CWC27: variants seen among roughly 807,000 people sequenced by gnomAD.
The protein encoded by CWC27 is CWC27 spliceosome associated cyclophilin.
A neutral mutation model predicts 63.6 loss-of-function variants in CWC27; 47 were observed. The ratio of observed to expected loss-of-function variants is 0.74; its 90% confidence interval spans 0.58 to 0.94. The LOEUF (loss-of-function observed/expected upper bound fraction) is 0.94. Ranked by LOEUF, CWC27 falls within the 40% of genes least tolerant of loss-of-function variation. The pLI, the probability that CWC27 is intolerant of heterozygous loss-of-function variation, is 0.00. For missense variants in CWC27, 495 were observed against 554.3 expected, an observed-to-expected ratio of 0.89 and a Z score of 1.07; for synonymous variants, 175 against 179.8, an observed-to-expected ratio of 0.97 and a Z score of 0.22.
chr5:64,902,426 C>A (rs557830218), intron 11 of CWC27, among the ~76,000 whole-genome samples: 1 of 152,294 alleles, frequency 6.6e-6, no homozygotes, highest in South Asian at 2.1e-4. Flanking sequence ...GATCGAAGTA[C>A]ACATATTTCC....
At chr5:64,985,371 A>G (rs777533069) in intron 13 of CWC27, among the ~76,000 whole-genome samples, 9 of 152,296 alleles carry the variant, frequency 5.9e-5, no homozygotes, top group South Asian at 2.1e-4. Flanking sequence ...GAGAATTGAC[A>G]TCTTTACTAT....
intron 7 of CWC27, among the ~76,000 whole-genome samples, chr5:64,796,095 G>A (rs532583493): frequency 2.6e-5 from 4 of 151,432 alleles, no homozygotes; most frequent in Non-Finnish European, 4.4e-5. Flanking sequence ...CAGCAGTGAT[G>A]TCAAGGAGAT....
rs1443869672 is a variant in CWC27 at position 64,781,970 on chromosome 5, C to T, written c.189C>T (p.Val63=). Residue 63 remains valine (V), a synonymous_variant, in exon 3 of 14, where the codon GTC becomes GTT. Transcript: ENST00000381070. ...ATAGAGTTGTGCCTGGTTTCATAGT[C>T]CAAGGCGGAGATCCTACTGGCACAG... The part of the protein sequence containing the change: ...IFHRVVPGFI[V]QGGDPTGTGS... 1 of 1,603,908 alleles carries T rather than the reference C, an allele frequency of 6.2e-7. No individual in the cohort carries two copies. Among genetic ancestry groups the T allele is most frequent in the African/African-American group, 1.3e-5 (1 of 74,720 alleles).
chr5:65,001,084 C>T (rs1749724117), intron 13 of CWC27, among the ~76,000 whole-genome samples: 1 of 151,582 alleles, frequency 6.6e-6, no homozygotes, highest in African/African-American at 2.4e-5. Flanking sequence ...TGTGTCGCTA[C>T]TGTGAATGAG....
intron 2 of CWC27, among the ~76,000 whole-genome samples, chr5:64,775,130 C>T (rs561748757): frequency 6.6e-6 from 1 of 152,304 alleles, no homozygotes; most frequent in East Asian, 1.9e-4. Context: ...CTAGTTGTTA[C>T]TTCAGTCCAA....
intron 10 of CWC27, among the ~76,000 whole-genome samples, chr5:64,832,165 A>G (rs1206923927): frequency 6.6e-6 from 1 of 151,866 alleles, no homozygotes; most frequent in Non-Finnish European, 1.5e-5. Flanking sequence ...TCTTTTACCC[A>G]TGTGTGATTT....
intron 11 of CWC27, among the ~76,000 whole-genome samples, chr5:64,907,326 ATCC>A (rs761096829): frequency 6.6e-6 from 1 of 152,168 alleles, no homozygotes; most frequent in African/African-American, 2.4e-5. Context: ...ATTTGTTTGT[ATCC>A]TCTTTTATTT....
intron 10 of CWC27, among the ~76,000 whole-genome samples, chr5:64,881,223 T>C (rs1487913654): frequency 6.6e-6 from 1 of 152,080 alleles, no homozygotes; most frequent in East Asian, 1.9e-4. Context: ...TTTAGCATAA[T>C]GAAGCAATTT....
intron 10 of CWC27, among the ~76,000 whole-genome samples, chr5:64,810,719 A>G (rs990641071): frequency 1.3e-5 from 2 of 152,084 alleles, no homozygotes; most frequent in Non-Finnish European, 2.9e-5. Flanking sequence ...AGCTCTGTAG[A>G]TATTCTAATA....
intron 13 of CWC27, among the ~76,000 whole-genome samples, chr5:64,986,698 T>G (rs1213712964): frequency 2.0e-5 from 3 of 150,810 alleles, no homozygotes; most frequent in Admixed American, 2.0e-4. Context: ...CCCCCCGGAC[T>G]GGGCCCCCAG....
intron 6 of CWC27, 51 bp from the exon 7 acceptor site, chr5:64,788,898 GTT>G: frequency 1.6e-6 from 2 of 1,252,826 alleles, no homozygotes; most frequent in Non-Finnish European, 2.3e-6. Flanking sequence ...GTATTTATAA[GTT>G]TGATTTGACT....
chr5:64,919,155 T>A (rs985141343), intron 11 of CWC27, among the ~76,000 whole-genome samples: 1 of 152,238 alleles, frequency 6.6e-6, no homozygotes, highest in Non-Finnish European at 1.5e-5. Flanking sequence ...TGTGTTTCTA[T>A]ATGTATGTGT....
chr5:64,805,288 A>G (rs1281202670), intron 10 of CWC27, among the ~76,000 whole-genome samples: 4 of 151,622 alleles, frequency 2.6e-5, no homozygotes, highest in Non-Finnish European at 5.9e-5. Flanking sequence ...CTTAGGAGTC[A>G]TCTTAAATGT....
chr5:64,940,842 CTTTTTTTTTT>C (rs70983655), intron 11 of CWC27, among the ~76,000 whole-genome samples: 1 of 64,964 alleles, frequency 1.5e-5, no homozygotes, highest in Non-Finnish European at 2.9e-5. Flanking sequence ...TTCTTTCTTT[CTTTTTTTTTT>C]TTTTTTTTTT....
At chr5:64,839,584 G>A (rs1484106181) in intron 10 of CWC27, among the ~76,000 whole-genome samples, 2 of 152,138 alleles carry the variant, frequency 1.3e-5, no homozygotes, top group Non-Finnish European at 2.9e-5. Flanking sequence ...GCCTGATGAG[G>A]GCAGGGCACT....
At chr5:64,866,502 T>C (rs1379411570) in intron 10 of CWC27, among the ~76,000 whole-genome samples, 8 of 152,120 alleles carry the variant, frequency 5.3e-5, no homozygotes, top group Admixed American at 4.6e-4. Flanking sequence ...ATGTTATTGA[T>C]TTAAAATCCT....
chr5:64,907,059 G>T (rs573003399), intron 11 of CWC27, among the ~76,000 whole-genome samples: 61 of 152,238 alleles, frequency 4.0e-4, no homozygotes, highest in African/African-American at 1.4e-3. Context: ...ATGCTGTTTT[G>T]GTTACTGTAG....
chr5:64,903,655 G>A (rs1747559313), intron 11 of CWC27, among the ~76,000 whole-genome samples: 1 of 151,876 alleles, frequency 6.6e-6, no homozygotes, highest in South Asian at 2.1e-4. Context: ...TAACAAACCT[G>A]CATGTTCTGC....
chr5:64,799,602 A>ATATATATATATATATATATGTATG (rs143997810), intron 7 of CWC27, among the ~76,000 whole-genome samples: 1 of 132,830 alleles, frequency 7.5e-6, no homozygotes, highest in Non-Finnish European at 1.6e-5. Context: ...ATATATATAT[A>ATATATATATATATATATATGTATG]CTTAATAGCA....
Sources: allele counts gnomAD v4.1 joint callset (sites outside exome capture counted in the v4.1 genomes callset), GRCh38; gene constraint gnomAD v4.1.1; transcripts MANE v1.5; gene names NCBI Gene and HGNC (gene_info 2026-07-23, HGNC 2026-07-21).